Variants in ADCY1 observed in about 807,000 individuals in gnomAD.
ADCY1 encodes adenylate cyclase 1, also known as adenylate cyclase type 1.
In ADCY1, 28 loss-of-function variants were observed where a neutral mutation model predicts 105.4. The ratio of observed to expected loss-of-function variants is 0.27; its 90% confidence interval spans 0.20 to 0.36. The LOEUF is 0.36. Among genes scored for constraint, ADCY1 ranks in the 10% least tolerant of loss-of-function variants. The pLI, the probability that ADCY1 is intolerant of heterozygous loss-of-function variation, is 1.00. For missense variants in ADCY1, 977 were observed against 1,434.2 expected (o/e 0.68, Z 5.15); for synonymous variants, 655 against 623.8 (o/e 1.05, Z -0.75).
At position 45,686,875 on chromosome 7, in the gene ADCY1, C is replaced by T. The variant is rs1288170221; in HGVS notation, c.2454+202C>T. ...GGTGCAGGGAGTGGGAGCCATGCCT[C>T]GTGAGAGGACAGTTCAGAAGGTTGT... On this transcript the variant is annotated intron_variant, in intron 14 of 19. Coordinates refer to ENST00000297323, the MANE Select transcript of ADCY1 (RefSeq NM_021116.4). This position sits in a 1 kb window ranked among gnomAD's most constrained non-coding sequence, Gnocchi z 4.3. 1.3e-5 allele frequency among the ~76,000 whole-genome samples: 2 copies of T among 152,116 alleles called. No individual in the cohort carries two copies. Among genetic ancestry groups the T allele is most frequent in the Non-Finnish European group, 2.9e-5 (2 of 68,032 alleles).
At chr7:45,662,438 C>A (rs2116128584) in intron 8 of ADCY1, among the ~76,000 whole-genome samples, 1 of 152,308 alleles carries the variant, frequency 6.6e-6, no homozygotes, top group Non-Finnish European at 1.5e-5. Context: ...GTCCATAATC[C>A]ATGTATTTAT....
rs1348018137 is a variant in ADCY1 at position 45,575,437 on chromosome 7, G to C, written c.639+255G>C. ...AGTGTGGAGAGGGGAGACAGGTGTG[G>C]AGAGAGAAAGGTTTGGCCAAGGTCA... On this transcript the variant is annotated intron_variant, in intron 1 of 19. Coordinates refer to ENST00000297323, the MANE Select transcript of ADCY1 (RefSeq NM_021116.4). This position sits in a 1 kb window ranked among gnomAD's most constrained non-coding sequence, Gnocchi z 4.7. Among the ~76,000 whole-genome samples the C allele has an allele frequency of 6.6e-6, 1 of 152,266 alleles. No homozygotes were observed. The highest frequency in any genetic ancestry group is 1.5e-5 in the Non-Finnish European group (1 of 68,054).
intron 8 of ADCY1, among the ~76,000 whole-genome samples, chr7:45,673,234 G>A (rs1784396173): frequency 1.3e-5 from 2 of 152,026 alleles, no homozygotes; most frequent in South Asian, 4.2e-4. Context: ...ATATTGGCCT[G>A]TAGTTTTCTG....
At position 45,708,575 on chromosome 7, in the gene ADCY1, G is replaced by A; in HGVS notation, c.2932+111G>A. ...CTGGTCTTACAGGAAGGAGGGTGGT[G>A]CCACCCAGGAGGGCATGGGGACCTG... On this transcript the variant is annotated intron_variant, in intron 18 of 19. Transcript: ENST00000297323. This position sits in a 1 kb window ranked among gnomAD's most constrained non-coding sequence, Gnocchi z 4.7. 1 of 814,494 alleles carries A rather than the reference G, an allele frequency of 1.2e-6. No individual in the cohort carries two copies. The highest frequency in any genetic ancestry group is 2.6e-5 in the East Asian group (1 of 38,920). The allele number at this position is 814,494 out of a possible 1,614,324, so 50.5% of individuals were successfully genotyped here. A position where few individuals can be genotyped will look rare whatever the true frequency, so the allele number is the denominator to read the frequency against.
intron 8 of ADCY1, among the ~76,000 whole-genome samples, chr7:45,668,224 C>T (rs560606218): frequency 2.0e-5 from 3 of 152,324 alleles, no homozygotes; most frequent in South Asian, 4.1e-4. Context: ...AAAGGGAACA[C>T]TTCCAGTTTT....
chr7:45,589,826 A>T (rs1350568205), intron 1 of ADCY1, among the ~76,000 whole-genome samples: 1 of 151,736 alleles, frequency 6.6e-6, no homozygotes, highest in African/African-American at 2.4e-5. Context: ...CCCAGCTCCT[A>T]GAGGAGTGGG....
At chr7:45,656,568 G>T (rs1289191229) in intron 5 of ADCY1, among the ~76,000 whole-genome samples, 1 of 152,176 alleles carries the variant, frequency 6.6e-6, no homozygotes, top group Non-Finnish European at 1.5e-5. Context: ...GCTGGCAAGG[G>T]TTTGAGTGGA....
At chr7:45,588,471 G>A (rs1023446335) in intron 1 of ADCY1, among the ~76,000 whole-genome samples, 42 of 152,232 alleles carry the variant, frequency 2.8e-4, no homozygotes, top group African/African-American at 9.9e-4. Context: ...TCATTAGGCA[G>A]AGCTAGAACA....
At chr7:45,654,877 GGGAAGGGA>G (rs1313190709) in intron 5 of ADCY1, among the ~76,000 whole-genome samples, 5 of 152,158 alleles carry the variant, frequency 3.3e-5, no homozygotes, top group South Asian at 2.1e-4. Flanking sequence ...GTCCTAGGTA[GGGAAGGGA>G]GGAGCCCAAG....
rs920385115 is a variant in ADCY1, at chr7:45,647,253, G to T, written c.1021-1417G>T. Among the ~76,000 whole-genome samples, 1 of 152,248 alleles carries T rather than the reference G, an allele frequency of 6.6e-6. No individual in the cohort carries two copies. Among genetic ancestry groups the T allele is most frequent in the Non-Finnish European group, 1.5e-5 (1 of 68,044 alleles). ...CTAGGCCAATCCCTGCTCAGCCTGGGAACTGGGGCTCCCAGCGGTCGGTGT... is the reference window on the plus strand; with the variant it reads ...CTAGGCCAATCCCTGCTCAGCCTGGTAACTGGGGCTCCCAGCGGTCGGTGT... On this transcript the variant is annotated intron_variant, in intron 4 of 19. Transcript: ENST00000297323. The surrounding 1 kb of genome is among the most constrained non-coding windows in gnomAD (Gnocchi z 4.6).
At chr7:45,618,706 C>CA (rs1192496502) in intron 3 of ADCY1, among the ~76,000 whole-genome samples, 1 of 151,948 alleles carries the variant, frequency 6.6e-6, no homozygotes, top group African/African-American at 2.4e-5. Flanking sequence ...ATCAAAAAGA[C>CA]AAAAAAGCAA....
intron 4 of ADCY1, among the ~76,000 whole-genome samples, chr7:45,639,448 A>C (rs74347663): frequency 0.013 from 1,905 of 152,258 alleles, 43 homozygotes; most frequent in African/African-American, 0.044. Context: ...CTAAGCATAC[A>C]GTTCCTTCAT....
Position 45,704,532 on chromosome 7 carries a change from C to T in ADCY1, c.2733C>T (p.Asp911=). 1 of 1,614,036 alleles carries T rather than the reference C, an allele frequency of 6.2e-7. No individual in the cohort carries two copies. The highest frequency in any genetic ancestry group is 1.7e-4 in the Middle Eastern group (1 of 6,060). The stretch of plus-strand genomic sequence containing the variant: ...TTTAAACAAAGCTCATGGAAAAAGA[C>T]TTTTACAAGGACATAGAGAAGATCA... The part of the protein sequence containing the change: ...IADFDELMEK[D]FYKDIEKIKT... Residue 911 remains aspartate (D), a synonymous_variant, in exon 17 of 20, where the codon GAC becomes GAT. Coordinates refer to ENST00000297323, the MANE Select transcript of ADCY1 (RefSeq NM_021116.4).
Position 45,597,590 on chromosome 7 carries a change from C to G in ADCY1, c.789+4682C>G, listed in dbSNP as rs549579250. 7.9e-5 allele frequency among the ~76,000 whole-genome samples: 12 copies of G among 152,322 alleles called. No individual in the cohort carries two copies. The South Asian group carries it at 2.5e-3, about 32-fold the overall frequency. ...CAGACACTAGGAGCTTTCTCCTTCC[C>G]CTCCTGTACTGTTTAGTGTCAATAG... On this transcript the variant is annotated intron_variant, in intron 2 of 19. Coordinates refer to ENST00000297323, the MANE Select transcript of ADCY1 (RefSeq NM_021116.4).
intron 4 of ADCY1, among the ~76,000 whole-genome samples, chr7:45,626,677 A>G (rs558936899): frequency 1.3e-5 from 2 of 152,328 alleles, no homozygotes; most frequent in East Asian, 3.9e-4. Flanking sequence ...CTCAGTCCCC[A>G]GCAACATTTG....
At chr7:45,588,864 C>CGTGT (rs1315374839) in intron 1 of ADCY1, among the ~76,000 whole-genome samples, 4 of 142,510 alleles carry the variant, frequency 2.8e-5, no homozygotes, top group African/African-American at 1.0e-4. Flanking sequence ...CCCATCATTG[C>CGTGT]GTGTATGTGT....
intron 14 of ADCY1, among the ~76,000 whole-genome samples, chr7:45,698,735 G>A (rs1348083824): frequency 6.6e-6 from 1 of 152,218 alleles, no homozygotes; most frequent in Non-Finnish European, 1.5e-5. Flanking sequence ...ATGTGTTCAT[G>A]TTATGTGGTC....
chr7:45,616,270 C>T (rs773752967), intron 3 of ADCY1, among the ~76,000 whole-genome samples: 10 of 152,174 alleles, frequency 6.6e-5, no homozygotes, highest in African/African-American at 2.4e-5. Context: ...TAATGGCAGT[C>T]CTTCTCCAAG....
chr7:45,665,386 G>A (rs1784211676), intron 8 of ADCY1, among the ~76,000 whole-genome samples: 1 of 152,210 alleles, frequency 6.6e-6, no homozygotes, highest in Non-Finnish European at 1.5e-5. Context: ...ACCAGGTGGG[G>A]AACATGACAT....
Sources: allele counts gnomAD v4.1 joint callset (sites outside exome capture counted in the v4.1 genomes callset), GRCh38; gene constraint gnomAD v4.1.1; non-coding constraint Gnocchi (gnomAD v3.1); transcripts MANE v1.5; gene names NCBI Gene and HGNC (gene_info 2026-07-23, HGNC 2026-07-21).